Variants in NCAPD3 observed in about 807,000 individuals in gnomAD.
NCAPD3 encodes non-SMC condensin II complex subunit D3, also known as condensin-2 complex subunit D3.
Under a neutral mutation model 182.9 loss-of-function variants are expected in NCAPD3, and 105 were observed. The observed-to-expected ratio is 0.57, with a 90% CI of 0.49 to 0.68. NCAPD3 has a LOEUF of 0.68. NCAPD3 is among the 30% of genes least tolerant of loss of function. NCAPD3 has a pLI of 0.00. For synonymous variants in NCAPD3, 815 were observed against 679.9 expected (o/e 1.20, Z -3.09); for missense variants, 1,944 against 1,837.0 (o/e 1.06, Z -1.07).
chr11:134,224,282 G>A (rs868747325), upstream of NCAPD3: 8 of 368,288 alleles, frequency 2.2e-5, no homozygotes, highest in Middle Eastern at 8.2e-4. Context: ...GGTAGTAACT[G>A]TCACCTTTGC....
upstream of NCAPD3, chr11:134,224,382 C>A: frequency 4.7e-6 from 1 of 212,882 alleles, no homozygotes; most frequent in South Asian, 6.3e-5. Flanking sequence ...GAAAGGCAGC[C>A]CAACGTGTAT....
In NCAPD3 at chr11:134,204,124, G is replaced by T; in HGVS notation, c.1137C>A (p.Val379=). ...EYRTFAAQSL[V]QLLSKLPCGE... Reference sequence around the variant, plus strand: ...CACAAGGAAGTTTACTGAGCAGCTGGACTAGGGACTGGGCTGCAAAAGTAC... The same window carrying T: ...CACAAGGAAGTTTACTGAGCAGCTGTACTAGGGACTGGGCTGCAAAAGTAC... Residue 379 remains valine (V), a synonymous_variant, in exon 10 of 35, where the codon GTC becomes GTA. Transcript: ENST00000534548. The surrounding 1 kb of genome is among the most constrained non-coding windows in gnomAD (Gnocchi z 4.3). 6.2e-7 allele frequency: 1 copy of T among 1,614,040 alleles called. No homozygotes were observed. The highest frequency in any genetic ancestry group is 8.5e-7 in the Non-Finnish European group (1 of 1,179,988).
In NCAPD3 at chr11:134,152,606, T is replaced by C. The variant is rs1943281109; in HGVS notation, c.*338A>G. On this transcript the variant is annotated 3_prime_UTR_variant, in exon 35 of 35. Transcript: ENST00000534548. ...CAAGTTAACAGAGGCTTGATTTATA[T>C]AAAAGAAAGCTGCAGTTTTAAAGTT... 5.0e-6 allele frequency: 1 copy of C among 199,008 alleles called. No individual in the cohort carries two copies. The highest frequency in any genetic ancestry group is 1.0e-5 in the Non-Finnish European group (1 of 99,842). 12.3% of individuals were successfully genotyped at this position (199,008 alleles called of 1,614,324 possible). A position where few individuals can be genotyped will look rare whatever the true frequency, so the allele number is the denominator to read the frequency against.
chr11:134,218,367 T>G lies in NCAPD3; in HGVS notation c.220-1269A>C, dbSNP rs562765426. On this transcript the variant is annotated intron_variant, in intron 2 of 34. Coordinates refer to ENST00000534548, the MANE Select transcript of NCAPD3 (RefSeq NM_015261.3). ...TCCAATCAGCTCTCCATTTCTGTCC[T>G]GGCTGCTTCTCACCCTCGGTGATCT... Among the ~76,000 whole-genome samples the G allele has an allele frequency of 2.0e-5, 3 of 152,300 alleles. No homozygotes were observed. In the South Asian group the frequency reaches 6.2e-4, roughly 32 times the overall value.
chr11:134,178,509 C>A, intron 22 of NCAPD3, 125 bp downstream of exon 22: 2 of 701,902 alleles, frequency 2.8e-6, no homozygotes, highest in South Asian at 2.7e-5. Context: ...CTCTAGGAAC[C>A]ACATGGCTGA....
intron 27 of NCAPD3, among the ~76,000 whole-genome samples, chr11:134,164,595 G>C (rs555442843): frequency 6.6e-6 from 1 of 152,040 alleles, no homozygotes; most frequent in South Asian, 2.1e-4. Flanking sequence ...TGTGACATGA[G>C]CTTAGGGGAG....
chr11:134,163,454 C>T (rs1943651307), intron 27 of NCAPD3, among the ~76,000 whole-genome samples: 1 of 152,050 alleles, frequency 6.6e-6, no homozygotes, highest in Admixed American at 6.6e-5. Context: ...AATCCCAGCA[C>T]TTTGGAAGGC....
intron 29 of NCAPD3, among the ~76,000 whole-genome samples, chr11:134,158,730 A>T (rs952901227): frequency 6.6e-6 from 1 of 152,144 alleles, no homozygotes; most frequent in Non-Finnish European, 1.5e-5. Context: ...AAATTGTTAA[A>T]CTGTAATATC....
chr11:134,192,850 C>T lies in NCAPD3; in HGVS notation c.1884G>A (p.Val628=), dbSNP rs371045844. 4.3e-6 allele frequency: 7 copies of T among 1,614,140 alleles called. No homozygotes were observed. The highest frequency in any genetic ancestry group is 5.9e-6 in the Non-Finnish European group (7 of 1,179,978). The change falls in exon 16 of 35, where the codon GTG becomes GTA. Residue 628 remains valine (V), a synonymous_variant. Transcript: ENST00000534548. ...CCTGCACAGTGCTCTCGCAGTCCAT[C>T]ACCACCGGGACCACCCCCCGCAACC... ...KAWLRGVVPV[V]MDCESTVQEK... is the part of the protein sequence containing the mutation.
intron 15 of NCAPD3, 124 bp from the exon 16 acceptor site, chr11:134,193,033 G>GA (rs561902502): frequency 8.4e-6 from 5 of 592,350 alleles, no homozygotes; most frequent in Admixed American, 3.4e-5. Context: ...AGTGAAAAAA[G>GA]AAAAAAATTC....
intron 13 of NCAPD3, among the ~76,000 whole-genome samples, chr11:134,197,031 A>G (rs766652577): frequency 2.0e-5 from 3 of 152,110 alleles, no homozygotes; most frequent in Non-Finnish European, 4.4e-5. Flanking sequence ...TGCTGTCTTC[A>G]GGACAGCAAT....
At chr11:134,171,785 C>A (rs1308852474) in intron 24 of NCAPD3, among the ~76,000 whole-genome samples, 4 of 152,160 alleles carry the variant, frequency 2.6e-5, no homozygotes, top group Admixed American at 2.6e-4. Flanking sequence ...AGGGCACTCC[C>A]TATGCTTCCC....
chr11:134,153,593 G>C lies in NCAPD3; in HGVS notation c.4253-230C>G, dbSNP rs1943327001. ...CTGACCCGCAGCCCTCAGGCACTCG[G>C]CTGGCCCCTGGGCCTCACTGTTCAC... is the stretch of plus-strand genomic sequence containing the variant. On this transcript the variant is annotated intron_variant, in intron 32 of 34. Coordinates refer to ENST00000534548, the MANE Select transcript of NCAPD3 (RefSeq NM_015261.3). The C allele has an allele frequency of 5.3e-6, 3 of 571,266 alleles. No homozygotes were observed. In the South Asian group the frequency reaches 6.0e-5, roughly 11 times the overall value. The allele number at this position is 571,266 out of a possible 1,614,324, so 35.4% of individuals were successfully genotyped here.
intron 3 of NCAPD3, among the ~76,000 whole-genome samples, chr11:134,213,259 A>C (rs1477994748): frequency 1.3e-5 from 2 of 152,100 alleles, no homozygotes; most frequent in African/African-American, 2.4e-5. Flanking sequence ...CCAGGAGTTC[A>C]AGGTTAAAGT....
rs1193146281 is a variant in NCAPD3 at position 134,220,686 on chromosome 11, A to G, written c.105T>C (p.Thr35=). The change falls in exon 2 of 35, where the codon ACT becomes ACC. Residue 35 remains threonine, a synonymous_variant. Transcript: ENST00000534548. The part of the protein sequence containing the change: ...DTVWELDFTE[T]EPLDPSIEAE... ...CTTCTATGCTGGGATCCAAAGGCTC[A>G]GTCTCTGTGAAATCCAGTTCCCACA... The G allele has an allele frequency of 6.2e-7, 1 of 1,614,116 alleles. No individual in the cohort carries two copies. Among genetic ancestry groups the G allele is most frequent in the Admixed American group, 1.7e-5 (1 of 60,022 alleles).
At chr11:134,170,511 G>A (rs1486605764) in intron 24 of NCAPD3, among the ~76,000 whole-genome samples, 4 of 152,232 alleles carry the variant, frequency 2.6e-5, no homozygotes, top group Non-Finnish European at 5.9e-5. Flanking sequence ...ACTATGGCAT[G>A]GCAGTTTCCA....
intron 29 of NCAPD3, among the ~76,000 whole-genome samples, 170 bp downstream of exon 29, chr11:134,159,722 C>T (rs1387314044): frequency 1.3e-5 from 2 of 152,238 alleles, no homozygotes; most frequent in Non-Finnish European, 2.9e-5. Flanking sequence ...ACAGTAAATC[C>T]ATCACAGACA....
intron 24 of NCAPD3, among the ~76,000 whole-genome samples, chr11:134,172,431 G>A (rs907932577): frequency 3.3e-5 from 5 of 152,134 alleles, no homozygotes; most frequent in Non-Finnish European, 7.3e-5. Flanking sequence ...ACCCCATTCC[G>A]ATTGTTCCAT....
rs150739265 is a variant in NCAPD3, at chr11:134,208,911, A to G, written c.835T>C (p.Tyr279His). 15 of 1,612,982 alleles carry G rather than the reference A, an allele frequency of 9.3e-6. No homozygotes were observed. The highest frequency in any genetic ancestry group is 3.3e-5 in the Admixed American group (2 of 59,808). ...QAKYIPELAY[Y>H]GLYLLCSPIH... ...GGAGAGCACAGCAAATACAATCCATAATAAGCCAGTTCTGGTATGTATTTT... is the reference window on the plus strand; with the variant it reads ...GGAGAGCACAGCAAATACAATCCATGATAAGCCAGTTCTGGTATGTATTTT... The change falls in exon 7 of 35, where the codon TAT becomes CAT. Residue 279 changes from tyrosine to histidine, a missense_variant. By Grantham distance (83) the Tyr-to-His change is moderately conservative. Around this residue, in one of 3 missense-constraint regions of NCAPD3, gnomAD observed 1,803 missense variants for 1,674.6 expected, o/e 1.08. Coordinates refer to ENST00000534548, the MANE Select transcript of NCAPD3 (RefSeq NM_015261.3).
Sources: allele counts gnomAD v4.1 joint callset (sites outside exome capture counted in the v4.1 genomes callset), GRCh38; gene constraint gnomAD v4.1.1; regional missense constraint gnomAD v4.1.1; non-coding constraint Gnocchi (gnomAD v3.1); transcripts MANE v1.5; gene names NCBI Gene and HGNC (gene_info 2026-07-23, HGNC 2026-07-21).